Variants in PDCL observed in about 807,000 individuals in gnomAD.
PDCL encodes phosducin-like protein.
A neutral mutation model predicts 26.7 loss-of-function variants in PDCL; 11 were observed. That is an observed-to-expected ratio of 0.41 (90% confidence interval 0.26 to 0.68). The LOEUF is 0.68. Among genes scored for constraint, PDCL ranks in the 30% least tolerant of loss-of-function variants. The pLI, the probability that PDCL is intolerant of heterozygous loss-of-function variation, is 0.30. For missense variants in PDCL, 330 were observed against 371.6 expected, an observed-to-expected ratio of 0.89 and a Z score of 0.92; for synonymous variants, 118 against 134.9, an observed-to-expected ratio of 0.87 and a Z score of 0.87.
At position 122,818,171 on chromosome 9, in the gene PDCL, G is replaced by A. The variant is rs1829508663; in HGVS notation, c.*1914C>T. 6.6e-6 allele frequency among the ~76,000 whole-genome samples: 1 copy of A among 152,210 alleles called. No homozygotes were observed. Among genetic ancestry groups the A allele is most frequent in the African/African-American group, 2.4e-5 (1 of 41,444 alleles). ...TAGTCCCAGCTACTCAGGAGGCTGA[G>A]GCAGGAGAACTGCTTGAACCCAGGA... On this transcript the variant is annotated 3_prime_UTR_variant, in exon 4 of 4. Coordinates refer to ENST00000259467, the MANE Select transcript of PDCL (RefSeq NM_005388.5).
intron 1 of PDCL, among the ~76,000 whole-genome samples, chr9:122,828,138 G>C (rs950030793): frequency 6.6e-6 from 1 of 152,134 alleles, no homozygotes; most frequent in Admixed American, 6.5e-5. Context: ...TGGGCCAAGC[G>C]GGGGACACAG....
chr9:122,824,293 G>C (rs1192216564), intron 2 of PDCL, among the ~76,000 whole-genome samples: 1 of 152,182 alleles, frequency 6.6e-6, no homozygotes, highest in East Asian at 1.9e-4. Context: ...GGGATTGTGA[G>C]CAAATATGAA....
At position 122,819,818 on chromosome 9, in the gene PDCL, T is replaced by G; in HGVS notation, c.*267A>C. 1 of 307,380 alleles carries G rather than the reference T, an allele frequency of 3.3e-6. No homozygotes were observed. The highest frequency in any genetic ancestry group is 5.9e-6 in the Non-Finnish European group (1 of 169,150). The allele number at this position is 307,380 out of a possible 1,614,324, so 19.0% of individuals were successfully genotyped here. On this transcript the variant is annotated 3_prime_UTR_variant, in exon 4 of 4. Transcript: ENST00000259467. ...TTTAGGATGCTTTGTAAATATTGAC[T>G]GGAAACAATAACAGAGATGTCACAC...
intron 3 of PDCL, among the ~76,000 whole-genome samples, chr9:122,821,359 A>C (rs370113944): frequency 1.3e-5 from 2 of 152,090 alleles, no homozygotes; most frequent in African/African-American, 4.8e-5. Context: ...AGATAACAAG[A>C]CATTACAGAA....
intron 1 of PDCL, 145 bp from the exon 2 acceptor site, chr9:122,826,937 C>T (rs1829636500): frequency 1.4e-6 from 1 of 690,362 alleles, no homozygotes. Context: ...CTTAACAAAT[C>T]CCTACCGTTA....
rs1372849838 is a variant in PDCL, at chr9:122,820,405, C to T, written c.586G>A (p.Glu196Lys). 4 of 1,614,148 alleles carry T rather than the reference C, an allele frequency of 2.5e-6. No individual in the cohort carries two copies. The highest frequency in any genetic ancestry group is 2.2e-5 in the East Asian group (1 of 44,884). Reference protein sequence around the residue: ...HIYEDGIPGTEAMNGCMICLA... With the variant: ...HIYEDGIPGTKAMNGCMICLA... ...CAGATCATGCAACCATTCATGGCTT[C>T]GGTCCCTGGAATGCCATCCTCATAA... Residue 196 changes from glutamate to lysine, a missense_variant, in exon 4 of 4, where the codon GAA becomes AAA. Physicochemically the swap from Glu to Lys is moderately conservative, Grantham distance 56 (BLOSUM62 1). Coordinates refer to ENST00000259467, the MANE Select transcript of PDCL (RefSeq NM_005388.5).
chr9:122,820,374 G>A lies in PDCL; in HGVS notation c.617C>T (p.Ala206Val), dbSNP rs755064141. 5 of 1,614,180 alleles carry A rather than the reference G, an allele frequency of 3.1e-6. No individual in the cohort carries two copies. The highest frequency in any genetic ancestry group is 4.2e-6 in the Non-Finnish European group (5 of 1,180,030). ...EAMNGCMICL[A>V]AEYPAVKFCK... ...GAACTTGACAGCTGGGTACTCTGCG[G>A]CAAGGCAGATCATGCAACCATTCAT... is the stretch of plus-strand genomic sequence containing the variant. Residue 206 changes from alanine (A) to valine (V), a missense_variant, in exon 4 of 4, where the codon GCC becomes GTC. Coordinates refer to ENST00000259467, the MANE Select transcript of PDCL (RefSeq NM_005388.5).
At chr9:122,820,822 TAAAA>T (rs5900544) in intron 3 of PDCL, 186 bp from the exon 4 acceptor site, 684 of 304,906 alleles carry the variant, frequency 2.2e-3, no homozygotes, top group East Asian at 4.3e-3. Flanking sequence ...CATCTCTCCT[TAAAA>T]AAAAAAAAAA....
At chr9:122,821,892 G>A (rs1829558139) in intron 3 of PDCL, among the ~76,000 whole-genome samples, 2 of 152,008 alleles carry the variant, frequency 1.3e-5, no homozygotes, top group African/African-American at 4.8e-5. Flanking sequence ...GCATAGATTA[G>A]GGAACAGGGA....
Position 122,820,523 on chromosome 9 carries a change from G to A in PDCL, c.468C>T (p.Pro156=), listed in dbSNP as rs1223275713. Residue 156 remains proline (P), a synonymous_variant, in exon 4 of 4, where the codon CCC becomes CCT. Transcript: ENST00000259467. ...EEMRQQLHKG[P]QFKQVFEISS... is the part of the protein sequence containing the mutation. The stretch of plus-strand genomic sequence containing the variant: ...AGATCTCAAAAACCTGCTTGAATTG[G>A]GGCCCCTTGTGAAGCTGCTGCCGCA... 6.2e-7 allele frequency: 1 copy of A among 1,613,954 alleles called. No homozygotes were observed. The highest frequency in any genetic ancestry group is 1.7e-5 in the Admixed American group (1 of 59,996).
At chr9:122,824,300 T>C (rs542384646) in intron 2 of PDCL, among the ~76,000 whole-genome samples, 2 of 152,302 alleles carry the variant, frequency 1.3e-5, no homozygotes, top group South Asian at 2.1e-4. Context: ...TGAGCAAATA[T>C]GAAGTATGCC....
In PDCL at chr9:122,820,099, G is replaced by A; in HGVS notation, c.892C>T (p.Leu298=). The part of the protein sequence containing the change: ...SATCHSEDSD[L]EID ...AGACTATCAGTTCAATCTATTTCCAGGTCGCTATCCTCACTGTGACACGTG... is the reference window on the plus strand; with the variant it reads ...AGACTATCAGTTCAATCTATTTCCAAGTCGCTATCCTCACTGTGACACGTG... Residue 298 remains leucine (L), a synonymous_variant, in exon 4 of 4, where the codon CTG becomes TTG. Coordinates refer to ENST00000259467, the MANE Select transcript of PDCL (RefSeq NM_005388.5). 1 of 1,603,292 alleles carries A rather than the reference G, an allele frequency of 6.2e-7. No individual in the cohort carries two copies. Among genetic ancestry groups the A allele is most frequent in the Non-Finnish European group, 8.5e-7 (1 of 1,174,476 alleles).
At chr9:122,822,951 G>T (rs1829571710) in intron 3 of PDCL, 65 bp downstream of exon 3, 2 of 1,410,552 alleles carry the variant, frequency 1.4e-6, no homozygotes, top group Non-Finnish European at 1.0e-6. Flanking sequence ...TCCACCTCTT[G>T]AATCACTCAC....
At chr9:122,828,031 C>G (rs1261496268) in intron 1 of PDCL, among the ~76,000 whole-genome samples, 9 of 152,126 alleles carry the variant, frequency 5.9e-5, no homozygotes, top group Admixed American at 5.9e-4. Flanking sequence ...ACGGGAGAAT[C>G]GGAGGACTCC....
chr9:122,823,416 G>C (rs1829580233), intron 2 of PDCL, among the ~76,000 whole-genome samples: 1 of 152,056 alleles, frequency 6.6e-6, no homozygotes, highest in Admixed American at 6.5e-5. Flanking sequence ...TAGGAGATGA[G>C]TTTAAAAAAT....
chr9:122,821,355 C>G (rs1487361612), intron 3 of PDCL, among the ~76,000 whole-genome samples: 1 of 151,770 alleles, frequency 6.6e-6, no homozygotes, highest in African/African-American at 2.4e-5. Context: ...TGAAAGATAA[C>G]AAGACATTAC....
At chr9:122,820,759 G>T (rs758404583) in intron 3 of PDCL, 123 bp from the exon 4 acceptor site, 18 of 741,110 alleles carry the variant, frequency 2.4e-5, no homozygotes, top group Non-Finnish European at 3.0e-5. Context: ...TGAGACGAGC[G>T]GATCACTTGA....
At position 122,820,163 on chromosome 9, in the gene PDCL, T is replaced by G. The variant is rs1829533798; in HGVS notation, c.828A>C (p.Glu276Asp). ...CAGATGTCAGCACCAAGACTTCCTT[T>G]TCTGGGAGTAATCCAAATTCCTGGA... Reference protein sequence around the residue: ...AFLQEFGLLPEKEVLVLTSVR... With the variant: ...AFLQEFGLLPDKEVLVLTSVR... The change falls in exon 4 of 4, where the codon GAA becomes GAC. Residue 276 changes from glutamate (E) to aspartate (D), a missense_variant. Transcript: ENST00000259467. 1 of 1,614,074 alleles carries G rather than the reference T, an allele frequency of 6.2e-7. No individual in the cohort carries two copies. The highest frequency in any genetic ancestry group is 1.7e-5 in the Admixed American group (1 of 60,004).
At chr9:122,823,414 G>A (rs1829580177) in intron 2 of PDCL, among the ~76,000 whole-genome samples, 1 of 152,128 alleles carries the variant, frequency 6.6e-6, no homozygotes, top group African/African-American at 2.4e-5. Flanking sequence ...ATTAGGAGAT[G>A]AGTTTAAAAA....
Sources: gnomAD v4.1 joint callset for allele counts (sites outside exome capture counted in the v4.1 genomes callset) on GRCh38, gnomAD v4.1.1 for gene constraint, MANE v1.5 for transcripts, NCBI Gene and HGNC (gene_info 2026-07-23, HGNC 2026-07-21) for gene names.